THNSL1: variants seen among roughly 807,000 people sequenced by gnomAD.
THNSL1 encodes threonine synthase like 1.
In THNSL1, 48 loss-of-function variants were observed where a neutral mutation model predicts 50.4. That is an observed-to-expected ratio of 0.95 (90% CI 0.76 to 1.21). THNSL1 has a LOEUF of 1.21. Ranked by LOEUF, THNSL1 falls within the 50% of genes most tolerant of loss-of-function variation. THNSL1 has a pLI of 0.00. For synonymous variants in THNSL1, 309 were observed against 306.1 expected, an observed-to-expected ratio of 1.01 and a Z score of -0.10; for missense variants, 896 against 871.7, an observed-to-expected ratio of 1.03 and a Z score of -0.35.
the THNSL1 span, among the ~76,000 whole-genome samples, chr10:25,007,157 A>G: frequency 9.8e-5 from 15 of 152,318 alleles, no homozygotes; most frequent in Non-Finnish European, 1.6e-4. Context: ...ACAGACTGAC[A>G]TATTTCCCTG....
At chr10:24,967,955 ATGTG>A in the THNSL1 span, among the ~76,000 whole-genome samples, 36 of 138,672 alleles carry the variant, frequency 2.6e-4, no homozygotes, top group African/African-American at 9.4e-4. Flanking sequence ...TATGTGTATG[ATGTG>A]TGTGTATGTA....
chr10:25,016,183 AG>A, upstream of THNSL1: 6 of 1,180,502 alleles, frequency 5.1e-6, no homozygotes, highest in Non-Finnish European at 6.3e-6. Flanking sequence ...AACCGTTACT[AG>A]GCAACGAGGA....
the THNSL1 span, among the ~76,000 whole-genome samples, chr10:24,972,100 G>A: frequency 6.6e-6 from 1 of 151,820 alleles, no homozygotes; most frequent in East Asian, 1.9e-4. Context: ...GCTGAGGCAT[G>A]AGAATCACTT....
chr10:24,991,329 G>T, the THNSL1 span, among the ~76,000 whole-genome samples: 1 of 151,990 alleles, frequency 6.6e-6, no homozygotes, highest in African/African-American at 2.4e-5. Context: ...ATATTTTGAA[G>T]TCTCTTTTTC....
At chr10:25,008,748 A>T in the THNSL1 span, among the ~76,000 whole-genome samples, 1 of 152,334 alleles carries the variant, frequency 6.6e-6, no homozygotes, top group Admixed American at 6.5e-5. Flanking sequence ...CAGCCATCCC[A>T]TTACTGGGTA....
the THNSL1 span, among the ~76,000 whole-genome samples, chr10:24,987,012 C>A: frequency 1.3e-5 from 2 of 152,180 alleles, no homozygotes; most frequent in South Asian, 4.1e-4. Flanking sequence ...CCCTCGCCCA[C>A]CCCCAAACAT....
At chr10:24,995,933 T>C in the THNSL1 span, 1 of 1,305,796 alleles carries the variant, frequency 7.7e-7, no homozygotes, top group South Asian at 1.5e-5. Flanking sequence ...GTGCTATTTA[T>C]AATATCCAGA....
chr10:25,002,483 G>A, the THNSL1 span, among the ~76,000 whole-genome samples: 1 of 152,284 alleles, frequency 6.6e-6, no homozygotes, highest in South Asian at 2.1e-4. Context: ...TCTCCAGAGA[G>A]TATGCTGGGG....
the THNSL1 span, among the ~76,000 whole-genome samples, chr10:24,976,910 G>T: frequency 1.3e-5 from 2 of 152,164 alleles, no homozygotes; most frequent in Admixed American, 6.5e-5. Context: ...CATTTATCCA[G>T]ATTAAACCAA....
chr10:25,021,229 T>C (rs1850712445), intron 1 of THNSL1, among the ~76,000 whole-genome samples: 1 of 152,244 alleles, frequency 6.6e-6, no homozygotes, highest in Non-Finnish European at 1.5e-5. Flanking sequence ...CTAACCACTA[T>C]GATATGTGCT....
chr10:24,995,018 CT>C, the THNSL1 span, among the ~76,000 whole-genome samples: 1 of 151,866 alleles, frequency 6.6e-6, no homozygotes, highest in African/African-American at 2.4e-5. Context: ...GAGAATATGT[CT>C]CAAAAAAAAT....
the THNSL1 span, among the ~76,000 whole-genome samples, chr10:24,988,122 G>A: frequency 6.6e-6 from 1 of 151,400 alleles, no homozygotes; most frequent in African/African-American, 2.4e-5. Context: ...TACTCGGGAG[G>A]CTGAGGCATG....
chr10:25,025,420 C>G lies in THNSL1; in HGVS notation c.2197C>G (p.His733Asp). 1 of 1,610,388 alleles carries G rather than the reference C, an allele frequency of 6.2e-7. No individual in the cohort carries two copies. Among genetic ancestry groups the G allele is most frequent in the African/African-American group, 1.3e-5 (1 of 74,896 alleles). The change falls in exon 3 of 3, where the codon CAT (histidine) becomes GAT (aspartate). Residue 733 changes from histidine to aspartate, a missense_variant. Physicochemically the swap from His to Asp is moderately conservative, Grantham distance 81. Coordinates refer to ENST00000376356, the MANE Select transcript of THNSL1 (RefSeq NM_024838.5). ...CAADMNVLKSHVEQLVQNQFI is the reference protein window; with the variant it reads ...CAADMNVLKSDVEQLVQNQFI ...AGCTGATATGAATGTCTTGAAGAGT[C>G]ATGTGGAACAACTTGTCCAAAATCA...
the THNSL1 span, among the ~76,000 whole-genome samples, chr10:24,968,578 C>T: frequency 2.6e-5 from 4 of 152,156 alleles, no homozygotes; most frequent in African/African-American, 9.7e-5. Context: ...CGACTTTTCT[C>T]AGCCCCTACA....
the THNSL1 span, among the ~76,000 whole-genome samples, chr10:24,969,552 G>GAA: frequency 3.9e-5 from 6 of 152,198 alleles, no homozygotes; most frequent in East Asian, 1.2e-3. Flanking sequence ...GTTTTTAAAG[G>GAA]AAAAAATTCA....
the THNSL1 span, among the ~76,000 whole-genome samples, chr10:24,964,161 G>C: frequency 1.2e-4 from 19 of 152,208 alleles, no homozygotes; most frequent in Non-Finnish European, 2.8e-4. Flanking sequence ...TCTTCAGAAA[G>C]TGCCAAATGT....
rs555877328 is a variant in THNSL1 at position 25,024,906 on chromosome 10, A to T, written c.1683A>T (p.Ser561=). 8.7e-6 allele frequency: 14 copies of T among 1,613,868 alleles called. No homozygotes were observed. The East Asian group carries it at 3.1e-4, about 36-fold the overall frequency. Residue 561 remains serine, a synonymous_variant, in exon 3 of 3, where the codon TCA becomes TCT. Transcript: ENST00000376356. ...AAAGAAAACTAGCACAAACCTTTTC[A>T]CCGTCAATAGATATTCTCAAATCTT... ...LRERKLAQTF[S]PSIDILKSSN...
the THNSL1 span, among the ~76,000 whole-genome samples, chr10:24,998,571 C>T: frequency 2.6e-5 from 4 of 151,660 alleles, no homozygotes; most frequent in Admixed American, 1.3e-4. Context: ...TTTGTACGGA[C>T]GGGGTCTTGC....
At chr10:24,974,305 T>C in the THNSL1 span, among the ~76,000 whole-genome samples, 15 of 151,058 alleles carry the variant, frequency 9.9e-5, 1 homozygote, top group South Asian at 1.7e-3. Context: ...AATTTCTATA[T>C]AGTTTAAAAA....
Sources: allele counts gnomAD v4.1 joint callset (sites outside exome capture counted in the v4.1 genomes callset), GRCh38; gene constraint gnomAD v4.1.1; transcripts MANE v1.5; gene names NCBI Gene and HGNC (gene_info 2026-07-23, HGNC 2026-07-21).